The following ARL13B variants were observed in gnomAD, a reference collection of about 807,000 sequenced individuals.
The protein encoded by ARL13B is ADP-ribosylation factor-like protein 13B.
A neutral mutation model predicts 56.1 loss-of-function variants in ARL13B; 36 were observed. The ratio of observed to expected loss-of-function variants is 0.64; its 90% CI spans 0.49 to 0.85. The LOEUF (loss-of-function observed/expected upper bound fraction) is 0.85. Among genes scored for constraint, ARL13B ranks in the 40% least tolerant of loss-of-function variants. The pLI, the probability that ARL13B is intolerant of heterozygous loss-of-function variation, is 0.00. For missense variants in ARL13B, 519 were observed against 507.1 expected (o/e 1.02, Z -0.23); for synonymous variants, 178 against 171.1 (o/e 1.04, Z -0.32).
chr3:94,005,017 G>A (rs1009173904), intron 3 of ARL13B, among the ~76,000 whole-genome samples: 2 of 152,022 alleles, frequency 1.3e-5, no homozygotes, highest in East Asian at 3.9e-4. Flanking sequence ...ACAATATTAT[G>A]TGCTTTTTTA....
intron 3 of ARL13B, among the ~76,000 whole-genome samples, chr3:94,017,416 C>G (rs982049372): frequency 6.6e-6 from 1 of 152,180 alleles, no homozygotes; most frequent in African/African-American, 2.4e-5. Context: ...AGTTTGCCAT[C>G]ACTGGACATT....
chr3:94,027,975 A>G (rs541730627), intron 3 of ARL13B, among the ~76,000 whole-genome samples: 2 of 152,282 alleles, frequency 1.3e-5, no homozygotes, highest in South Asian at 4.1e-4. Context: ...TTTGGGTATA[A>G]GCTGCTTTTC....
At chr3:94,012,252 A>G (rs1317893262) in intron 3 of ARL13B, among the ~76,000 whole-genome samples, 5 of 152,130 alleles carry the variant, frequency 3.3e-5, no homozygotes, top group African/African-American at 9.7e-5. Flanking sequence ...ACATATCTCA[A>G]GCACTCCTAC....
chr3:94,047,061 T>C (rs1251141869), intron 7 of ARL13B, among the ~76,000 whole-genome samples: 1 of 152,184 alleles, frequency 6.6e-6, no homozygotes, highest in East Asian at 1.9e-4. Context: ...TTGTCTTTAT[T>C]CACAAGATTT....
chr3:94,035,304 T>C (rs755464329), intron 3 of ARL13B, 27 bp from the exon 4 acceptor site: 3 of 1,440,836 alleles, frequency 2.1e-6, no homozygotes, highest in Admixed American at 3.4e-5. Context: ...ATATATGCTG[T>C]ATAAAAGTAC....
chr3:94,052,283 A>G (rs1429370904), intron 9 of ARL13B, among the ~76,000 whole-genome samples: 3 of 152,156 alleles, frequency 2.0e-5, no homozygotes, highest in Non-Finnish European at 2.9e-5. Flanking sequence ...AACAAGATGA[A>G]TAAGATGTAC....
chr3:94,036,261 A>G (rs1043782743), intron 4 of ARL13B, among the ~76,000 whole-genome samples: 1 of 152,060 alleles, frequency 6.6e-6, no homozygotes, highest in Non-Finnish European at 1.5e-5. Flanking sequence ...ATCAATAGAG[A>G]TGTCTTTTTA....
intron 3 of ARL13B, among the ~76,000 whole-genome samples, chr3:94,016,677 T>TG (rs1451299289): frequency 2.0e-5 from 3 of 151,556 alleles, no homozygotes; most frequent in African/African-American, 7.3e-5. Flanking sequence ...GATGGAGTCT[T>TG]GCTCTGATGC....
At chr3:94,006,812 T>A (rs1464616033) in intron 3 of ARL13B, among the ~76,000 whole-genome samples, 1 of 152,174 alleles carries the variant, frequency 6.6e-6, no homozygotes, top group East Asian at 1.9e-4. Context: ...TAAACTAACA[T>A]AACCTCTGCA....
intron 3 of ARL13B, among the ~76,000 whole-genome samples, chr3:94,033,899 C>T (rs1363622923): frequency 6.6e-6 from 1 of 152,054 alleles, no homozygotes; most frequent in Non-Finnish European, 1.5e-5. Flanking sequence ...AAGATATTAG[C>T]CAAATCCCAA....
At chr3:93,992,224 C>T (rs548596919) in intron 1 of ARL13B, among the ~76,000 whole-genome samples, 39 of 151,826 alleles carry the variant, frequency 2.6e-4, no homozygotes, top group South Asian at 4.2e-4. Context: ...TGGAGAAAAA[C>T]GTGAGGTGCT....
chr3:93,983,631 TCTGCTTTGAGTTTCTGG>T (rs940152195), intron 1 of ARL13B, among the ~76,000 whole-genome samples: 3 of 152,172 alleles, frequency 2.0e-5, no homozygotes, highest in African/African-American at 7.2e-5. Context: ...GAACCTGCTT[TCTGCTTTGAGTTTCTGG>T]GGTTTTTTTT....
chr3:93,980,565 G>T (rs994430211), intron 1 of ARL13B, 83 bp downstream of exon 1: 6 of 1,551,364 alleles, frequency 3.9e-6, no homozygotes, highest in South Asian at 1.1e-5. Flanking sequence ...TTTTCCCCGC[G>T]CCTGGACGAG....
intron 3 of ARL13B, chr3:94,014,402 A>T: frequency 2.6e-6 from 4 of 1,543,986 alleles, no homozygotes; most frequent in Non-Finnish European, 3.5e-6. Flanking sequence ...GAGCTACAGC[A>T]TGGACAGCAC....
intron 3 of ARL13B, among the ~76,000 whole-genome samples, chr3:94,014,035 A>G (rs896319916): frequency 1.3e-5 from 2 of 152,212 alleles, no homozygotes; most frequent in Non-Finnish European, 2.9e-5. Flanking sequence ...CCAGTCAGCC[A>G]AATGGATTGC....
intron 7 of ARL13B, 65 bp from the exon 8 acceptor site, chr3:94,049,341 T>C: frequency 1.1e-6 from 1 of 932,716 alleles, no homozygotes; most frequent in East Asian, 2.5e-5. Context: ...TTGTATTCTT[T>C]GTTTTCTATT....
chr3:94,041,782 T>G (rs1381606419), intron 6 of ARL13B, among the ~76,000 whole-genome samples: 1 of 152,056 alleles, frequency 6.6e-6, no homozygotes, highest in Admixed American at 6.6e-5. Flanking sequence ...AAATTAAAAA[T>G]GTCAATAAGT....
chr3:94,001,589 T>A (rs1044359273), intron 2 of ARL13B, among the ~76,000 whole-genome samples: 1 of 152,218 alleles, frequency 6.6e-6, no homozygotes, highest in Non-Finnish European at 1.5e-5. Context: ...CTAGCTTATT[T>A]TTTTTAAAGA....
At position 94,049,421 on chromosome 3, in the gene ARL13B, A is replaced by T. The variant is rs776234748; in HGVS notation, c.1040A>T (p.Lys347Ile). ...ATTCTTGTAGCTAATGGTAAAAAGA[A>T]AACTAAGAAACTAAGAATGAAAAGG... ...PSLESANGKKKTKKLRMKRNH... is the reference protein window; with the variant it reads ...PSLESANGKKITKKLRMKRNH... Residue 347 changes from lysine (K) to isoleucine (I), a missense_variant, in exon 8 of 10, where the codon AAA (lysine) becomes ATA (isoleucine). Lys to Ile is a moderately radical substitution (Grantham distance 102). Coordinates refer to ENST00000394222, the MANE Select transcript of ARL13B (RefSeq NM_001174150.2). The T allele has an allele frequency of 6.2e-7, 1 of 1,602,562 alleles. No homozygotes were observed. The highest frequency in any genetic ancestry group is 1.7e-5 in the Admixed American group (1 of 59,362).
Sources: allele counts gnomAD v4.1 joint callset (sites outside exome capture counted in the v4.1 genomes callset), GRCh38; gene constraint gnomAD v4.1.1; transcripts MANE v1.5; gene names NCBI Gene and HGNC (gene_info 2026-07-23, HGNC 2026-07-21).